Variants in L3MBTL3 observed in about 807,000 individuals in gnomAD.
The protein encoded by L3MBTL3 is L3MBTL histone methyl-lysine binding protein 3, also known as lethal(3)malignant brain tumor-like protein 3.
L3MBTL3 carries 27 observed loss-of-function variants against 102.3 expected under a neutral mutation model. The observed-to-expected ratio is 0.26, with a 90% confidence interval of 0.19 to 0.36. The LOEUF (loss-of-function observed/expected upper bound fraction) is 0.36, where lower values mean the gene tolerates loss of function less well. Among genes scored for constraint, L3MBTL3 ranks in the 10% least tolerant of loss-of-function variants. The pLI, the probability that L3MBTL3 is intolerant of heterozygous loss-of-function variation, is 1.00. For synonymous variants in L3MBTL3, 340 were observed against 320.9 expected, an observed-to-expected ratio of 1.06 and a Z score of -0.64; for missense variants, 798 against 955.3, an observed-to-expected ratio of 0.84 and a Z score of 2.17.
chr6:130,095,833 A>G (rs1403437028), intron 18 of L3MBTL3, among the ~76,000 whole-genome samples: 9 of 152,156 alleles, frequency 5.9e-5, no homozygotes, highest in Non-Finnish European at 1.3e-4. Flanking sequence ...CTCCCATGAT[A>G]ACAAACCCAC....
At chr6:130,073,937 G>A (rs1318674119) in intron 13 of L3MBTL3, among the ~76,000 whole-genome samples, 2 of 152,034 alleles carry the variant, frequency 1.3e-5, no homozygotes, top group South Asian at 2.1e-4. Flanking sequence ...CTCTGAAAAC[G>A]AAAACAGTGT....
chr6:130,105,165 A>G (rs1332018746), intron 19 of L3MBTL3, among the ~76,000 whole-genome samples: 1 of 152,216 alleles, frequency 6.6e-6, no homozygotes, highest in Non-Finnish European at 1.5e-5. Context: ...ATGCTATTAA[A>G]AGAAAGAACA....
intron 12 of L3MBTL3, among the ~76,000 whole-genome samples, chr6:130,068,697 T>C (rs899986455): frequency 2.6e-5 from 4 of 152,176 alleles, no homozygotes; most frequent in Admixed American, 6.5e-5. Flanking sequence ...AAAAATTAAA[T>C]TGGCTGAGAT....
chr6:130,029,829 C>T (rs1025568325), intron 2 of L3MBTL3, among the ~76,000 whole-genome samples: 5 of 152,116 alleles, frequency 3.3e-5, no homozygotes, highest in African/African-American at 1.2e-4. Context: ...GCCCTGCCCT[C>T]CTCTTTTTGA....
chr6:130,049,542 A>C, intron 4 of L3MBTL3, 149 bp downstream of exon 4: 1 of 708,800 alleles, frequency 1.4e-6, no homozygotes, highest in South Asian at 2.0e-5. Flanking sequence ...TGAAACTGAT[A>C]GGAGCCAGCA....
chr6:130,113,517 T>C (rs1414296879), intron 19 of L3MBTL3, among the ~76,000 whole-genome samples: 1 of 152,232 alleles, frequency 6.6e-6, no homozygotes, highest in Non-Finnish European at 1.5e-5. Context: ...CCATGTTGTT[T>C]AAGCCTGCTA....
chr6:130,089,086 C>T (rs1783870109), intron 16 of L3MBTL3, among the ~76,000 whole-genome samples: 1 of 151,790 alleles, frequency 6.6e-6, no homozygotes, highest in East Asian at 1.9e-4. Flanking sequence ...TATTATTATA[C>T]TTTAAGTTCT....
At chr6:130,054,509 T>G (rs987433955) in intron 7 of L3MBTL3, among the ~76,000 whole-genome samples, 3 of 152,108 alleles carry the variant, frequency 2.0e-5, no homozygotes, top group Non-Finnish European at 4.4e-5. Context: ...GGAATCAATG[T>G]TAGAGGTAGG....
chr6:130,035,544 A>G (rs188660435), intron 2 of L3MBTL3, among the ~76,000 whole-genome samples: 139 of 152,344 alleles, frequency 9.1e-4, no homozygotes, highest in African/African-American at 3.1e-3. Flanking sequence ...TTGTTTCACA[A>G]AGCAGGGACT....
At chr6:130,074,399 G>C (rs1281978627) in intron 13 of L3MBTL3, among the ~76,000 whole-genome samples, 2 of 152,186 alleles carry the variant, frequency 1.3e-5, no homozygotes, top group Non-Finnish European at 2.9e-5. Context: ...GTTACTGATA[G>C]TTGGTAGCTG....
At chr6:130,068,062 A>G (rs1782382304) in intron 11 of L3MBTL3, among the ~76,000 whole-genome samples, 1 of 152,302 alleles carries the variant, frequency 6.6e-6, no homozygotes, top group South Asian at 2.1e-4. Flanking sequence ...TACCCTGATA[A>G]TAAGTGTCCT....
intron 2 of L3MBTL3, among the ~76,000 whole-genome samples, chr6:130,026,767 G>A (rs1319779003): frequency 4.6e-5 from 7 of 152,086 alleles, no homozygotes; most frequent in Admixed American, 4.6e-4. Flanking sequence ...TCTATAGGAA[G>A]AGACCCAATA....
At chr6:130,052,711 T>A (rs901567153) in intron 6 of L3MBTL3, 148 bp from the exon 7 acceptor site, 1 of 897,468 alleles carries the variant, frequency 1.1e-6, no homozygotes, top group East Asian at 2.8e-5. Flanking sequence ...ATATATGATA[T>A]TCTCATGCCT....
intron 19 of L3MBTL3, among the ~76,000 whole-genome samples, chr6:130,115,363 ACATGGCAATCTG>A (rs1785599542): frequency 6.6e-6 from 1 of 152,244 alleles, no homozygotes; most frequent in Admixed American, 6.5e-5. Flanking sequence ...ATTTCAATCT[ACATGGCAATCTG>A]CATCTGCCTC....
chr6:130,085,235 C>T (rs1206187692), intron 15 of L3MBTL3, among the ~76,000 whole-genome samples: 3 of 152,194 alleles, frequency 2.0e-5, no homozygotes, highest in Non-Finnish European at 4.4e-5. Flanking sequence ...CTTCCACTGT[C>T]TGTGAGTTTT....
At chr6:130,058,356 GGGTGTGGTGGCACATGCCTGCCT>G (rs1562273948) in intron 9 of L3MBTL3, among the ~76,000 whole-genome samples, 4 of 151,958 alleles carry the variant, frequency 2.6e-5, no homozygotes, top group African/African-American at 9.7e-5. Context: ...GTTGGGGTCC[GGGTGTGGTGGCACATGCCTGCCT>G]GCAGTCTCAT....
At chr6:130,098,411 G>A (rs1443975579) in intron 18 of L3MBTL3, among the ~76,000 whole-genome samples, 1 of 152,198 alleles carries the variant, frequency 6.6e-6, no homozygotes, top group East Asian at 1.9e-4. Flanking sequence ...TCTCATAGAG[G>A]CAGGAGTGGA....
intron 15 of L3MBTL3, among the ~76,000 whole-genome samples, 187 bp from the exon 16 acceptor site, chr6:130,085,951 CCA>C (rs1313559758): frequency 6.6e-6 from 1 of 151,994 alleles, no homozygotes; most frequent in Non-Finnish European, 1.5e-5. Flanking sequence ...CAGGGTTCAG[CCA>C]TGTTGGCCAG....
intron 17 of L3MBTL3, among the ~76,000 whole-genome samples, chr6:130,093,555 A>G (rs1293678110): frequency 6.6e-6 from 1 of 152,182 alleles, no homozygotes; most frequent in Admixed American, 6.5e-5. Context: ...AAGCTTGGGG[A>G]AAAATATTGG....
Sources: allele counts gnomAD v4.1 joint callset (sites outside exome capture counted in the v4.1 genomes callset), GRCh38; gene constraint gnomAD v4.1.1; transcripts MANE v1.5; gene names NCBI Gene and HGNC (gene_info 2026-07-23, HGNC 2026-07-21).